XDH: variants seen among roughly 807,000 people sequenced by gnomAD.
XDH encodes the protein xanthine dehydrogenase, also known as xanthine dehydrogenase/oxidase.
A neutral mutation model predicts 156.1 loss-of-function variants in XDH; 138 were observed. The observed-to-expected ratio is 0.88, with a 90% confidence interval of 0.77 to 1.02. The LOEUF is 1.02. Ranked by LOEUF, XDH falls within the 50% of genes least tolerant of loss-of-function variation. The pLI, the probability that XDH is intolerant of heterozygous loss-of-function variation, is 0.00. For synonymous variants in XDH, 669 were observed against 625.7 expected, an observed-to-expected ratio of 1.07 and a Z score of -1.03; for missense variants, 1,849 against 1,684.9, an observed-to-expected ratio of 1.10 and a Z score of -1.71.
chr2:31,401,174 G>A, intron 4 of XDH, 46 bp downstream of exon 4: 3 of 1,607,900 alleles, frequency 1.9e-6, no homozygotes, highest in Non-Finnish European at 2.6e-6. Context: ...TCCCTGCAGA[G>A]GAAAGAGCCT....
intron 11 of XDH, among the ~76,000 whole-genome samples, chr2:31,382,421 C>T (rs976142823): frequency 1.3e-5 from 2 of 152,128 alleles, no homozygotes; most frequent in Non-Finnish European, 2.9e-5. Flanking sequence ...GAAGAGATAG[C>T]TTTTCTTCCG....
intron 6 of XDH, among the ~76,000 whole-genome samples, chr2:31,390,564 TCA>T: frequency 6.6e-6 from 1 of 152,328 alleles, no homozygotes; most frequent in Admixed American, 6.5e-5. Context: ...TAAGACATGT[TCA>T]GTTTTGTAAG....
At chr2:31,371,803 G>A (rs1686079711) in intron 17 of XDH, among the ~76,000 whole-genome samples, 1 of 152,194 alleles carries the variant, frequency 6.6e-6, no homozygotes, top group Non-Finnish European at 1.5e-5. Context: ...CAATGACAAG[G>A]AAACCTGATT....
intron 24 of XDH, among the ~76,000 whole-genome samples, chr2:31,352,392 G>T (rs1446285099): frequency 6.6e-6 from 1 of 151,896 alleles, no homozygotes; most frequent in Non-Finnish European, 1.5e-5. Context: ...TTCCCTATGG[G>T]TACTCTCTCT....
Position 31,398,581 on chromosome 2 carries a change from G to A in XDH, c.425C>T (p.Ala142Val). 1 of 1,614,038 alleles carries A rather than the reference G, an allele frequency of 6.2e-7. No individual in the cohort carries two copies. The highest frequency in any genetic ancestry group is 8.5e-7 in the Non-Finnish European group (1 of 1,179,936). The change falls in exon 5 of 36, where the codon GCC becomes GTC. Residue 142 changes from alanine to valine, a missense_variant. Physicochemically the swap from Ala to Val is moderately conservative, Grantham distance 64. Coordinates refer to ENST00000379416, the MANE Select transcript of XDH (RefSeq NM_000379.4). ...TGCCTGAAGGCCCATACCTTGGAAG[G>A]CATTCTCAATCTCCTCCATGGTGGG... ...PEPTMEEIEN[A>V]FQGNLCRCTG...
intron 3 of XDH, 85 bp downstream of exon 3, chr2:31,402,963 A>T: frequency 6.9e-7 from 1 of 1,448,462 alleles, no homozygotes; most frequent in South Asian, 1.1e-5. Context: ...ACATGCACAT[A>T]CACACATACA....
chr2:31,337,577 C>G (rs948989508), intron 35 of XDH, 64 bp downstream of exon 35: 1 of 1,611,416 alleles, frequency 6.2e-7, no homozygotes. Flanking sequence ...AGAACCTTCC[C>G]TGCAGTTTGC....
At position 31,405,813 on chromosome 2, in the gene XDH, C is replaced by T. The variant is rs969127152; in HGVS notation, c.100+94G>A. 3.6e-5 allele frequency: 52 copies of T among 1,462,382 alleles called. No individual in the cohort carries two copies. The African/African-American group carries it at 6.0e-4, about 17-fold the overall frequency. 90.6% of individuals were successfully genotyped at this position (1,462,382 alleles called of 1,614,324 possible). A position where few individuals can be genotyped will look rare whatever the true frequency, so the allele number is the denominator to read the frequency against. ...GTGCTCTTTCCTCCACACCTCAAGG[C>T]CACCCCACCAGTCACTAGGAAACAA... On this transcript the variant is annotated intron_variant, in intron 2 of 35. Transcript: ENST00000379416.
At chr2:31,391,943 C>G (rs1426395794) in intron 6 of XDH, among the ~76,000 whole-genome samples, 1 of 152,116 alleles carries the variant, frequency 6.6e-6, no homozygotes, top group Middle Eastern at 3.2e-3. Flanking sequence ...GGGCCTGGTG[C>G]TTTCTGTGTT....
intron 30 of XDH, among the ~76,000 whole-genome samples, chr2:31,345,497 G>A (rs1355168482): frequency 1.3e-5 from 2 of 152,182 alleles, no homozygotes; most frequent in Admixed American, 1.3e-4. Flanking sequence ...TTCTTCATTA[G>A]CAGCCACCAA....
intron 6 of XDH, among the ~76,000 whole-genome samples, chr2:31,392,013 A>G (rs1686778700): frequency 6.6e-6 from 1 of 152,182 alleles, no homozygotes; most frequent in Non-Finnish European, 1.5e-5. Flanking sequence ...CAGATTATCT[A>G]CTTTTTGTAT....
intron 4 of XDH, among the ~76,000 whole-genome samples, chr2:31,400,751 C>A (rs1163684686): frequency 6.6e-6 from 1 of 152,240 alleles, no homozygotes; most frequent in African/African-American, 2.4e-5. Context: ...GGAGGCCTAG[C>A]AGTTTACATT....
chr2:31,350,336 G>A, intron 24 of XDH, 113 bp from the exon 25 acceptor site: 1 of 569,454 alleles, frequency 1.8e-6, no homozygotes. Flanking sequence ...CTGCACCCAA[G>A]TTATTTCTCC....
intron 3 of XDH, 105 bp downstream of exon 3, chr2:31,402,943 A>ACACATGCG (rs2148007668): frequency 1.6e-6 from 2 of 1,230,122 alleles, no homozygotes; most frequent in East Asian, 4.7e-5. Flanking sequence ...ACAGGGGCTC[A>ACACATGCG]CACATGCGCA....
chr2:31,393,805 T>TC (rs1316992129), intron 6 of XDH, among the ~76,000 whole-genome samples: 1 of 151,428 alleles, frequency 6.6e-6, no homozygotes, highest in African/African-American at 2.4e-5. Flanking sequence ...TTTTTCTTTT[T>TC]TTTTTTTTCT....
At chr2:31,372,206 T>A in intron 17 of XDH, 22 bp downstream of exon 17, 1 of 1,614,122 alleles carries the variant, frequency 6.2e-7, no homozygotes, top group Non-Finnish European at 8.5e-7. Context: ...TTCCACCAGC[T>A]CCTCCTGGCG....
chr2:31,342,143 CT>C (rs1321002422), intron 32 of XDH, 39 bp downstream of exon 32: 2 of 1,557,436 alleles, frequency 1.3e-6, no homozygotes, highest in Non-Finnish European at 1.8e-6. Context: ...TGTTTCTCTT[CT>C]CTTTCCCACT....
intron 15 of XDH, among the ~76,000 whole-genome samples, chr2:31,374,823 G>T (rs1686182383): frequency 6.6e-6 from 1 of 151,792 alleles, no homozygotes; most frequent in African/African-American, 2.4e-5. Flanking sequence ...TAGGATAGGT[G>T]CAAAATAAAT....
intron 3 of XDH, 100 bp downstream of exon 3, chr2:31,402,948 T>C: frequency 4.6e-6 from 6 of 1,293,600 alleles, no homozygotes; most frequent in Non-Finnish European, 5.6e-6. Flanking sequence ...GGCTCACACA[T>C]GCGCACATGC....
Sources: gnomAD v4.1 joint callset for allele counts (sites outside exome capture counted in the v4.1 genomes callset) on GRCh38, gnomAD v4.1.1 for gene constraint, MANE v1.5 for transcripts, NCBI Gene and HGNC (gene_info 2026-07-23, HGNC 2026-07-21) for gene names.